Variants in NEDD1 observed in about 807,000 individuals in gnomAD.
NEDD1 encodes protein NEDD1.
In NEDD1, 33 loss-of-function variants were observed where a neutral mutation model predicts 74.0. That is an observed-to-expected ratio of 0.45 (90% CI 0.34 to 0.60). NEDD1 has a LOEUF of 0.60. Ranked by LOEUF, NEDD1 falls within the 20% of genes least tolerant of loss-of-function variation. The probability of loss-of-function intolerance (pLI) is 0.01; values close to 1 mark genes in which losing one functional copy is unlikely to be tolerated. For missense variants in NEDD1, 746 were observed against 776.5 expected (o/e 0.96, Z 0.47); for synonymous variants, 250 against 264.4 (o/e 0.95, Z 0.53).
At chr12:96,944,295 A>G (rs552655996) in intron 12 of NEDD1, among the ~76,000 whole-genome samples, 2 of 152,196 alleles carry the variant, frequency 1.3e-5, no homozygotes, top group Non-Finnish European at 2.9e-5. Flanking sequence ...AAGTACAAAA[A>G]CATCTTTTGA....
At chr12:96,910,193 C>G (rs961366434) in intron 3 of NEDD1, among the ~76,000 whole-genome samples, 1 of 150,874 alleles carries the variant, frequency 6.6e-6, no homozygotes, top group Non-Finnish European at 1.5e-5. Context: ...TCAAAAATTT[C>G]TTATTGAACC....
intron 14 of NEDD1, among the ~76,000 whole-genome samples, chr12:96,949,241 C>G (rs1043300947): frequency 6.6e-6 from 1 of 152,114 alleles, no homozygotes; most frequent in Non-Finnish European, 1.5e-5. Context: ...GTCCTGGCTA[C>G]CTCAATGGTT....
At chr12:96,931,706 A>G (rs1315531479) in intron 6 of NEDD1, among the ~76,000 whole-genome samples, 3 of 152,206 alleles carry the variant, frequency 2.0e-5, no homozygotes, top group Admixed American at 6.5e-5. Flanking sequence ...CATATCTTAA[A>G]CAGCTATTAA....
intron 15 of NEDD1, 110 bp downstream of exon 15, chr12:96,951,608 A>G: frequency 3.3e-6 from 2 of 602,912 alleles, no homozygotes. Context: ...AGTTTCTAAG[A>G]TAAATAGGGA....
At chr12:96,929,965 C>G (rs1326212623) in intron 6 of NEDD1, among the ~76,000 whole-genome samples, 1 of 152,070 alleles carries the variant, frequency 6.6e-6, no homozygotes, top group Non-Finnish European at 1.5e-5. Context: ...TCAGATCTGT[C>G]ACAGATTCCT....
At chr12:96,918,571 G>A (rs994528878) in intron 5 of NEDD1, among the ~76,000 whole-genome samples, 13 of 151,934 alleles carry the variant, frequency 8.6e-5, no homozygotes, top group Admixed American at 7.9e-4. Context: ...CTGTCTTTTC[G>A]GTGTGAAATT....
At chr12:96,949,123 C>T (rs536370605) in intron 14 of NEDD1, among the ~76,000 whole-genome samples, 11 of 152,260 alleles carry the variant, frequency 7.2e-5, no homozygotes, top group South Asian at 4.1e-4. Context: ...TGCTTCAGCT[C>T]GGTTTCTTCT....
At chr12:96,948,123 A>C (rs1878372955) in intron 14 of NEDD1, among the ~76,000 whole-genome samples, 2 of 152,110 alleles carry the variant, frequency 1.3e-5, no homozygotes, top group South Asian at 4.1e-4. Flanking sequence ...CATCTTCTCC[A>C]TGAGAGCCTG....
At chr12:96,932,008 G>A (rs532984115) in intron 6 of NEDD1, among the ~76,000 whole-genome samples, 8 of 152,188 alleles carry the variant, frequency 5.3e-5, no homozygotes, top group Non-Finnish European at 1.0e-4. Flanking sequence ...ACACAGCCAT[G>A]CTTTTCATCT....
chr12:96,929,130 A>ATTTT lies in NEDD1; in HGVS notation c.490-5843_490-5840dup, dbSNP rs989464540. Among the ~76,000 whole-genome samples the ATTTT allele has an allele frequency of 4.0e-5, 6 of 149,434 alleles. No homozygotes were observed. The East Asian group carries it at 1.2e-3, about 29-fold the overall frequency. On this transcript the variant is annotated intron_variant, in intron 6 of 15. Transcript: ENST00000266742. ...CTTTGCTTATCTTCAGTGGTTTATC[A>ATTTT]TTTTTTCTCAAGTGTTTTTAAACTT...
intron 6 of NEDD1, among the ~76,000 whole-genome samples, chr12:96,934,672 T>C (rs571650817): frequency 6.6e-6 from 1 of 151,960 alleles, no homozygotes; most frequent in African/African-American, 2.4e-5. Context: ...CAAGTAGCTG[T>C]AATTACAGGC....
intron 14 of NEDD1, among the ~76,000 whole-genome samples, chr12:96,950,352 T>C (rs78683922): frequency 0.01 from 1,525 of 152,114 alleles, 68 homozygotes; most frequent in East Asian, 0.095. Context: ...TGGAAAACAA[T>C]TTGCATGATT....
In NEDD1 at chr12:96,951,942, T is replaced by G. The variant is rs774808301; in HGVS notation, c.1879-7T>G. The G allele has an allele frequency of 2.7e-6, 4 of 1,462,934 alleles. No individual in the cohort carries two copies. Among genetic ancestry groups the G allele is most frequent in the Non-Finnish European group, 3.8e-6 (4 of 1,047,156 alleles). The allele number at this position is 1,462,934 out of a possible 1,614,324, so 90.6% of individuals were successfully genotyped here. A position where few individuals can be genotyped will look rare whatever the true frequency, so the allele number is the denominator to read the frequency against. ...ATAATTTAAAAAGCATTTTCCTGTT[T>G]TTCTAGAATGAAATGCATTCTTTGC... On this transcript the variant is annotated splice_region_variant and splice_polypyrimidine_tract_variant and intron_variant, in intron 15 of 15. Transcript: ENST00000266742.
intron 8 of NEDD1, 43 bp downstream of exon 8, chr12:96,936,855 A>C: frequency 8.1e-7 from 1 of 1,236,202 alleles, no homozygotes; most frequent in Non-Finnish European, 1.2e-6. Flanking sequence ...TATTAAATAA[A>C]TCTAACTCAG....
chr12:96,932,463 A>AATATAAATATATATATATATATATAT (rs1565801345), intron 6 of NEDD1, among the ~76,000 whole-genome samples: 1 of 9,438 alleles, frequency 1.1e-4, no homozygotes, highest in Non-Finnish European at 2.0e-4. Context: ...AAAAAAAAAA[A>AATATAAATATATATATATATATATAT]ATATATATAT....
chr12:96,943,133 G>A (rs1221849682), intron 11 of NEDD1, among the ~76,000 whole-genome samples: 1 of 152,016 alleles, frequency 6.6e-6, no homozygotes, highest in African/African-American at 2.4e-5. Context: ...AAAGGGAGGA[G>A]ATTACCCAAG....
intron 6 of NEDD1, among the ~76,000 whole-genome samples, chr12:96,927,187 T>C (rs957623029): frequency 6.6e-6 from 1 of 152,220 alleles, no homozygotes; most frequent in Non-Finnish European, 1.5e-5. Context: ...CTACTTTTGC[T>C]TCTATGAACA....
intron 6 of NEDD1, among the ~76,000 whole-genome samples, chr12:96,922,935 C>A (rs1045277479): frequency 1.3e-5 from 2 of 151,894 alleles, no homozygotes; most frequent in African/African-American, 4.8e-5. Context: ...GGCAATGTGG[C>A]AAAACCTCAT....
At chr12:96,907,392 G>A (rs1227582910) in intron 1 of NEDD1, 92 bp downstream of exon 1, 1 of 479,456 alleles carries the variant, frequency 2.1e-6, no homozygotes, top group East Asian at 3.6e-5. Context: ...CCCCCTCAGA[G>A]GGCGGGGCGG....
Sources: allele counts gnomAD v4.1 joint callset (sites outside exome capture counted in the v4.1 genomes callset), GRCh38; gene constraint gnomAD v4.1.1; transcripts MANE v1.5; gene names NCBI Gene and HGNC (gene_info 2026-07-23, HGNC 2026-07-21).